WWTR1: variants seen among roughly 807,000 people sequenced by gnomAD.
The protein encoded by WWTR1 is WW domain containing transcription regulator 1, also known as WW domain-containing transcription regulator protein 1.
WWTR1 carries 13 observed loss-of-function variants against 40.1 expected under a neutral mutation model. The ratio of observed to expected loss-of-function variants is 0.32; its 90% CI spans 0.21 to 0.52. WWTR1 has a LOEUF of 0.52. WWTR1 is among the 20% of genes least tolerant of loss of function. The pLI, the probability that WWTR1 is intolerant of heterozygous loss-of-function variation, is 0.97. For missense variants in WWTR1, 436 were observed against 523.1 expected, an observed-to-expected ratio of 0.83 and a Z score of 1.63; for synonymous variants, 230 against 210.1, an observed-to-expected ratio of 1.09 and a Z score of -0.82.
rs759505822 is a variant in WWTR1 at position 149,542,453 on chromosome 3, A to AGCCCTGCGG, written c.644_652dup (p.Pro215_Gly217dup). On this transcript the variant is annotated inframe_insertion, in exon 4 of 7. Transcript: ENST00000360632. ...GGTCAGCGCATTGGGCATACTCATG[A>AGCCCTGCGG]GCCCTGCGGGTGGGTTCTGAGTGGG... 1 of 1,614,046 alleles carries AGCCCTGCGG rather than the reference A, an allele frequency of 6.2e-7. No homozygotes were observed. Among genetic ancestry groups the AGCCCTGCGG allele is most frequent in the Admixed American group, 1.7e-5 (1 of 60,020 alleles).
intron 1 of WWTR1, among the ~76,000 whole-genome samples, chr3:149,697,396 C>T (rs987421046): frequency 4.3e-4 from 65 of 151,832 alleles, no homozygotes; most frequent in African/African-American, 1.3e-3. Context: ...AAGCCATTCA[C>T]GAGGGATCAT....
chr3:149,693,642 A>G (rs1714891494), intron 1 of WWTR1, among the ~76,000 whole-genome samples: 1 of 152,184 alleles, frequency 6.6e-6, no homozygotes, highest in South Asian at 2.1e-4. Context: ...ACACAGACCA[A>G]TGGGACAGAA....
chr3:149,524,413 T>C lies in WWTR1; in HGVS notation c.1018+1600A>G, dbSNP rs192156738. Among the ~76,000 whole-genome samples, 591 of 151,426 alleles carry C rather than the reference T, an allele frequency of 3.9e-3. 4 individuals carry two copies. The highest frequency in any genetic ancestry group is 0.013 in the African/African-American group (533 of 41,280). ...AACTTTGCTTTTTATCCTTACTGGCTTCCCAGTGTTTAGAAGATGAAAGTA... is the reference window on the plus strand; with the variant it reads ...AACTTTGCTTTTTATCCTTACTGGCCTCCCAGTGTTTAGAAGATGAAAGTA... On this transcript the variant is annotated intron_variant, in intron 6 of 6. Coordinates refer to ENST00000360632, the MANE Select transcript of WWTR1 (RefSeq NM_015472.6).
chr3:149,580,471 A>T (rs2108011432), intron 2 of WWTR1, among the ~76,000 whole-genome samples: 1 of 152,282 alleles, frequency 6.6e-6, no homozygotes, highest in Admixed American at 6.5e-5. Flanking sequence ...AACCCCAGGG[A>T]GCTCATCACA....
chr3:149,587,663 G>A (rs1269967234), intron 2 of WWTR1, among the ~76,000 whole-genome samples: 2 of 152,180 alleles, frequency 1.3e-5, no homozygotes, highest in African/African-American at 4.8e-5. Context: ...GTTTTCTTAG[G>A]AGTAGAGGAA....
At chr3:149,709,766 T>C (rs1417297010) in intron 5 of WWTR1, among the ~76,000 whole-genome samples, 2 of 152,064 alleles carry the variant, frequency 1.3e-5, no homozygotes, top group Non-Finnish European at 2.9e-5. Flanking sequence ...TAGCCGGGTG[T>C]GGTGGAACAT....
Position 149,527,943 on chromosome 3 carries a change from G to A in WWTR1, c.798C>T (p.Pro266=), listed in dbSNP as rs138550281. The A allele has an allele frequency of 2.5e-6, 4 of 1,614,090 alleles. No individual in the cohort carries two copies. The highest frequency in any genetic ancestry group is 3.4e-6 in the Non-Finnish European group (4 of 1,179,998). ...RQEAALCRQL[P]MEAETLAPVQ... ...CTGGGGCAAGAGTCTCAGCTTCCAT[G>A]GGGAGCTGTCGACAGAGGGCAGCTT... Residue 266 remains proline, a synonymous_variant, in exon 5 of 7, where the codon CCC becomes CCT. Transcript: ENST00000360632.
Position 149,545,812 on chromosome 3 carries a change from C to T in WWTR1, c.569-3275G>A, listed in dbSNP as rs547129504. 7.9e-5 allele frequency among the ~76,000 whole-genome samples: 12 copies of T among 152,300 alleles called. No homozygotes were observed. In the East Asian group the frequency reaches 1.9e-3, roughly 25 times the overall value. ...CTGGGATTACAGGCATGAGCCACCG[C>T]GCCCAGCCCTATGTTAATTTTTATA... is the stretch of plus-strand genomic sequence containing the variant. On this transcript the variant is annotated intron_variant, in intron 3 of 6. Coordinates refer to ENST00000360632, the MANE Select transcript of WWTR1 (RefSeq NM_015472.6).
At chr3:149,558,215 G>C (rs758675529) in intron 3 of WWTR1, among the ~76,000 whole-genome samples, 2 of 151,728 alleles carry the variant, frequency 1.3e-5, no homozygotes, top group Non-Finnish European at 2.9e-5. Flanking sequence ...GTTTTTTGTG[G>C]TCTTGAGTCA....
chr3:149,593,926 T>C (rs933145417), intron 2 of WWTR1, among the ~76,000 whole-genome samples: 2 of 152,208 alleles, frequency 1.3e-5, no homozygotes, highest in Non-Finnish European at 2.9e-5. Context: ...GAAATTTGCA[T>C]AAGGCAAATG....
chr3:149,666,248 C>A (rs1239809841), intron 2 of WWTR1, among the ~76,000 whole-genome samples: 1 of 152,132 alleles, frequency 6.6e-6, no homozygotes, highest in Non-Finnish European at 1.5e-5. Context: ...CAAGTTAGGA[C>A]ACTTTTCATG....
chr3:149,546,328 A>C (rs1458746597), intron 3 of WWTR1, among the ~76,000 whole-genome samples: 1 of 152,256 alleles, frequency 6.6e-6, no homozygotes, highest in Non-Finnish European at 1.5e-5. Flanking sequence ...ATTGTTTATA[A>C]TTGCAAAAGA....
intron 4 of WWTR1, among the ~76,000 whole-genome samples, chr3:149,529,560 T>C (rs1418053031): frequency 1.3e-5 from 2 of 151,686 alleles, no homozygotes; most frequent in Non-Finnish European, 2.9e-5. Context: ...AACCAAAAAC[T>C]GGAGATTTTT....
At chr3:149,526,222 G>T in intron 5 of WWTR1, 97 bp from the exon 6 acceptor site, 2 of 769,688 alleles carry the variant, frequency 2.6e-6, no homozygotes, top group Non-Finnish European at 3.8e-6. Context: ...GTGCAGTTGT[G>T]CCATGCTGCC....
chr3:149,554,351 C>T (rs1736732292), intron 3 of WWTR1, among the ~76,000 whole-genome samples: 1 of 152,180 alleles, frequency 6.6e-6, no homozygotes, highest in Non-Finnish European at 1.5e-5. Context: ...CCAAGCCTGT[C>T]TAGTTTTAGA....
At chr3:149,707,722 G>C (rs55835434), upstream of WWTR1, among the ~76,000 whole-genome samples, 1 of 152,216 alleles carries the variant, frequency 6.6e-6, no homozygotes, top group Non-Finnish European at 1.5e-5. Context: ...TAGGTTCTCA[G>C]CTCCAGTCAC....
intron 4 of WWTR1, among the ~76,000 whole-genome samples, chr3:149,719,014 T>C (rs539121992): frequency 1.3e-5 from 2 of 151,710 alleles, no homozygotes; most frequent in African/African-American, 4.8e-5. Context: ...TTGGTAGAGA[T>C]GGGATTTCAC....
intron 2 of WWTR1, among the ~76,000 whole-genome samples, chr3:149,590,556 G>T (rs993874903): frequency 6.6e-6 from 1 of 152,148 alleles, no homozygotes. Flanking sequence ...TGAGGCAGGA[G>T]AATCGCTTGA....
At chr3:149,529,892 C>A (rs1407496399) in intron 4 of WWTR1, among the ~76,000 whole-genome samples, 1 of 152,108 alleles carries the variant, frequency 6.6e-6, no homozygotes. Flanking sequence ...TGACTCATAA[C>A]CCTCATTATC....
Sources: allele counts gnomAD v4.1 joint callset (sites outside exome capture counted in the v4.1 genomes callset), GRCh38; gene constraint gnomAD v4.1.1; transcripts MANE v1.5; gene names NCBI Gene and HGNC (gene_info 2026-07-23, HGNC 2026-07-21).